ERMARD: variants seen among roughly 807,000 people sequenced by gnomAD.
The protein encoded by ERMARD is ER membrane associated RNA degradation, also known as endoplasmic reticulum membrane-associated RNA degradation protein.
A neutral mutation model predicts 83.9 loss-of-function variants in ERMARD; 71 were observed. The ratio of observed to expected loss-of-function variants is 0.85; its 90% confidence interval spans 0.70 to 1.03. The LOEUF (loss-of-function observed/expected upper bound fraction) is 1.03, where lower values mean the gene tolerates loss of function less well. Ranked by LOEUF, ERMARD falls within the 50% of genes least tolerant of loss-of-function variation. The pLI is 0.00. For synonymous variants in ERMARD, 284 were observed against 298.6 expected (o/e 0.95, Z 0.50); for missense variants, 838 against 810.9 (o/e 1.03, Z -0.41).
Position 169,769,795 on chromosome 6 carries a change from CTG to C in ERMARD, c.1233+84_1233+85del, listed in dbSNP as rs558306441. The C allele has an allele frequency of 8.0e-5, 102 of 1,276,888 alleles. No individual in the cohort carries two copies. In the African/African-American group the frequency reaches 1.4e-3, roughly 18 times the overall value. The allele number at this position is 1,276,888 out of a possible 1,614,324, so 79.1% of individuals were successfully genotyped here. A position where few individuals can be genotyped will look rare whatever the true frequency, so the allele number is the denominator to read the frequency against. ...TAGTTTATTTTTCAAATGTAATTAACTGTTAATCATCTTTTAATATATCTGAG... is the reference window on the plus strand; with the variant it reads ...TAGTTTATTTTTCAAATGTAATTAACTTAATCATCTTTTAATATATCTGAG... On this transcript the variant is annotated intron_variant, in intron 12 of 17. Coordinates refer to ENST00000366773, the MANE Select transcript of ERMARD (RefSeq NM_018341.3).
In ERMARD at chr6:169,768,230, T is replaced by A. The variant is rs1792460408; in HGVS notation, c.1059+59T>A. 8 of 1,459,676 alleles carry A rather than the reference T, an allele frequency of 5.5e-6. No individual in the cohort carries two copies. In the South Asian group the frequency reaches 9.5e-5, roughly 17 times the overall value. 90.4% of individuals were successfully genotyped at this position (1,459,676 alleles called of 1,614,324 possible). Reference sequence around the variant, plus strand: ...TGTATTTATGGATGTCGTCAGCACTTCTCTAAAATTAAATTAATTTTGGCT... The same window carrying A: ...TGTATTTATGGATGTCGTCAGCACTACTCTAAAATTAAATTAATTTTGGCT... On this transcript the variant is annotated intron_variant, in intron 11 of 17. Transcript: ENST00000366773.
intron 13 of ERMARD, among the ~76,000 whole-genome samples, chr6:169,774,146 T>A (rs1193407094): frequency 2.0e-5 from 3 of 152,160 alleles, no homozygotes; most frequent in African/African-American, 7.2e-5. Flanking sequence ...CCATCCTGGC[T>A]AACACAGTGA....
intron 3 of ERMARD, 144 bp downstream of exon 3, chr6:169,755,566 C>T: frequency 2.0e-6 from 2 of 995,014 alleles, no homozygotes; most frequent in Non-Finnish European, 2.9e-6. Context: ...GAACCCTGGG[C>T]TATTATGCAG....
intron 13 of ERMARD, among the ~76,000 whole-genome samples, chr6:169,774,433 AG>A (rs995495499): frequency 1.3e-5 from 2 of 152,166 alleles, no homozygotes; most frequent in African/African-American, 4.8e-5. Flanking sequence ...GGAGGTGGGC[AG>A]GTAGGGAGGA....
intron 5 of ERMARD, among the ~76,000 whole-genome samples, 193 bp from the exon 6 acceptor site, chr6:169,758,775 A>G (rs558708380): frequency 6.6e-6 from 1 of 152,258 alleles, no homozygotes; most frequent in African/African-American, 2.4e-5. Flanking sequence ...AGGATGAATG[A>G]GTTGATGTAC....
At chr6:169,751,521 C>T, upstream of ERMARD, 2 of 1,610,942 alleles carry the variant, frequency 1.2e-6, no homozygotes, top group Non-Finnish European at 8.5e-7. Flanking sequence ...AACGCCCTAG[C>T]CAGTCCCGCG....
chr6:169,775,220 C>T (rs189649958), intron 13 of ERMARD, 50 bp from the exon 14 acceptor site: 210 of 1,567,494 alleles, frequency 1.3e-4, no homozygotes, highest in Middle Eastern at 6.8e-4. Flanking sequence ...CACAGATTTT[C>T]TAGGAAGTTA....
intron 2 of ERMARD, among the ~76,000 whole-genome samples, chr6:169,754,279 G>T (rs1477213178): frequency 6.6e-6 from 1 of 151,960 alleles, no homozygotes; most frequent in Non-Finnish European, 1.5e-5. Context: ...GGCACAGAGG[G>T]GCTGGTGGGC....
In ERMARD at chr6:169,760,904, A is replaced by G. The variant is rs1443349211; in HGVS notation, c.857+148A>G. The stretch of plus-strand genomic sequence containing the variant: ...GCAGACCTGAAAATAAAACACCTTC[A>G]TAGAGTCGCTTCAAGGACCGCCTGT... On this transcript the variant is annotated intron_variant, in intron 8 of 17. Coordinates refer to ENST00000366773, the MANE Select transcript of ERMARD (RefSeq NM_018341.3). The G allele has an allele frequency of 3.7e-5, 19 of 513,952 alleles. No homozygotes were observed. In the Admixed American group the frequency reaches 7.3e-4, roughly 20 times the overall value. 31.8% of individuals were successfully genotyped at this position (513,952 alleles called of 1,614,324 possible).
chr6:169,775,087 G>C (rs1473880398), intron 13 of ERMARD, among the ~76,000 whole-genome samples, 183 bp from the exon 14 acceptor site: 2 of 152,198 alleles, frequency 1.3e-5, no homozygotes, highest in African/African-American at 4.8e-5. Context: ...TCCACTGGTA[G>C]TTTCCGCAGC....
chr6:169,770,290 TA>T (rs1792744212), intron 12 of ERMARD: 2 of 152,358 alleles, frequency 1.3e-5, no homozygotes, highest in African/African-American at 4.8e-5. Flanking sequence ...GTGTTGTTGC[TA>T]CCACATTTTT....
chr6:169,770,080 CTT>C (rs1014533760), intron 12 of ERMARD, among the ~76,000 whole-genome samples: 26 of 151,888 alleles, frequency 1.7e-4, no homozygotes, highest in Non-Finnish European at 2.2e-4. Flanking sequence ...TCAATAAACT[CTT>C]TTATTTCAAA....
chr6:169,778,885 G>T (rs898427026), intron 16 of ERMARD, among the ~76,000 whole-genome samples: 2 of 152,242 alleles, frequency 1.3e-5, no homozygotes, highest in Non-Finnish European at 2.9e-5. Context: ...CCTGCCTGGT[G>T]CCCTGTGAGC....
rs1793615770 is a variant in ERMARD at position 169,776,514 on chromosome 6, G to A, written c.1580G>A (p.Arg527Lys). 1 of 1,614,202 alleles carries A rather than the reference G, an allele frequency of 6.2e-7. No homozygotes were observed. Residue 527 changes from arginine (R) to lysine (K), a missense_variant, in exon 16 of 18, where the codon AGG becomes AAG. Transcript: ENST00000366773. The part of the protein sequence containing the change: ...STPVPTLFCP[R>K]IVLEVLVVLR... ...CCTGTTCCCACCCTGTTCTGCCCCA[G>A]GATTGTGCTGGAAGTGCTGGTTGTG...
Position 169,776,592 on chromosome 6 carries a change from C to G in ERMARD, c.1658C>G (p.Ala553Gly). 1.2e-6 allele frequency: 2 copies of G among 1,614,252 alleles called. No individual in the cohort carries two copies. The highest frequency in any genetic ancestry group is 1.1e-5 in the South Asian group (1 of 91,080). Residue 553 changes from alanine to glycine, a missense_variant, in exon 16 of 18, where the codon GCC (alanine) becomes GGC (glycine). Physicochemically the swap from Ala to Gly is moderately conservative, Grantham distance 60 (BLOSUM62 0). Transcript: ENST00000366773. Reference sequence around the variant, plus strand: ...CGTGTGTCCAGCCAGGTCACCGTTGCCTCAGAGCTGAGACACAGGCAGTGG... The same window carrying G: ...CGTGTGTCCAGCCAGGTCACCGTTGGCTCAGAGCTGAGACACAGGCAGTGG... ...CRRVSSQVTV[A>G]SELRHRQWVE... is the part of the protein sequence containing the mutation.
chr6:169,774,522 A>G (rs558672993), intron 13 of ERMARD, among the ~76,000 whole-genome samples: 7 of 152,268 alleles, frequency 4.6e-5, no homozygotes, highest in African/African-American at 1.7e-4. Flanking sequence ...ACTCCAGGCC[A>G]TCCTCTGCTG....
Position 169,779,158 on chromosome 6 carries a change from TA to T in ERMARD, c.1740-22del. ...AAAATACCAACATATCCTCACATTT[TA>T]ATTTACTTTTATCTGTTTTTAGTAT... On this transcript the variant is annotated intron_variant, in intron 16 of 17. Transcript: ENST00000366773. 1.9e-6 allele frequency: 3 copies of T among 1,587,538 alleles called. No individual in the cohort carries two copies. The South Asian group carries it at 3.3e-5, about 18-fold the overall frequency.
At chr6:169,775,912 G>A (rs372276387) in intron 14 of ERMARD, 28 bp from the exon 15 acceptor site, 75 of 1,612,354 alleles carry the variant, frequency 4.7e-5, no homozygotes, top group Non-Finnish European at 2.9e-5. Context: ...TAATTGTCAC[G>A]TATCTTTAAA....
At chr6:169,776,433 C>T (rs771805632) in intron 15 of ERMARD, 22 bp from the exon 16 acceptor site, 1 of 1,608,134 alleles carries the variant, frequency 6.2e-7, no homozygotes, top group Non-Finnish European at 8.5e-7. Flanking sequence ...GATGCCTGCT[C>T]CAAGTCTGGC....
Sources: allele counts gnomAD v4.1 joint callset (sites outside exome capture counted in the v4.1 genomes callset), GRCh38; gene constraint gnomAD v4.1.1; transcripts MANE v1.5; gene names NCBI Gene and HGNC (gene_info 2026-07-23, HGNC 2026-07-21).